CCL16: variants seen among roughly 807,000 people sequenced by gnomAD.
CCL16 encodes C-C motif chemokine 16.
CCL16 carries 6 observed loss-of-function variants against 7.5 expected under a neutral mutation model. The ratio of observed to expected loss-of-function variants is 0.80; its 90% CI spans 0.44 to 1.57. The LOEUF is 1.57. Among genes scored for constraint, CCL16 ranks in the 40% most tolerant of loss-of-function variants. The probability of loss-of-function intolerance (pLI) is 0.01; values close to 1 mark genes in which losing one functional copy is unlikely to be tolerated. For missense variants in CCL16, 134 were observed against 142.9 expected, an observed-to-expected ratio of 0.94 and a Z score of 0.32; for synonymous variants, 60 against 57.7, an observed-to-expected ratio of 1.04 and a Z score of -0.18.
At chr17:35,978,003 G>A in intron 2 of CCL16, 140 bp downstream of exon 2, 1 of 1,222,802 alleles carries the variant, frequency 8.2e-7, no homozygotes, top group Middle Eastern at 2.4e-4. Context: ...ATTAATCCCA[G>A]GCCCCTGAGA....
intron 1 of CCL16, among the ~76,000 whole-genome samples, chr17:35,979,379 G>GT (rs1205538833): frequency 6.6e-6 from 1 of 152,158 alleles, no homozygotes; most frequent in Non-Finnish European, 1.5e-5. Flanking sequence ...AGAGGCGGAG[G>GT]TTAGGGGGAA....
chr17:35,979,210 G>A (rs2089663265), intron 1 of CCL16, among the ~76,000 whole-genome samples: 3 of 152,144 alleles, frequency 2.0e-5, no homozygotes, highest in Admixed American at 1.3e-4. Context: ...GAAGGTAGGG[G>A]AAGCTCAGTG....
chr17:35,978,130 AGGACGT>A lies in CCL16; in HGVS notation c.197+7_197+12del, dbSNP rs770190565. The A allele has an allele frequency of 6.2e-6, 10 of 1,614,162 alleles. No homozygotes were observed. Among genetic ancestry groups the A allele is most frequent in the Non-Finnish European group, 8.5e-6 (10 of 1,180,014 alleles). ...GTCCCTCTCCACAGAAATATCTAAA[AGGACGT>A]GCTTACATGATTGCTGGCAGGTGAC... On this transcript the variant is annotated splice_region_variant and intron_variant, in intron 2 of 2. Coordinates refer to ENST00000611905, the MANE Select transcript of CCL16 (RefSeq NM_004590.4).
chr17:35,981,487 G>T lies in CCL16; in HGVS notation c.-67C>A. The T allele has an allele frequency of 8.7e-7, 1 of 1,154,570 alleles. No individual in the cohort carries two copies. The highest frequency in any genetic ancestry group is 2.0e-5 in the Admixed American group (1 of 50,102). 71.5% of individuals were successfully genotyped at this position (1,154,570 alleles called of 1,614,324 possible). A position where few individuals can be genotyped will look rare whatever the true frequency, so the allele number is the denominator to read the frequency against. On this transcript the variant is annotated 5_prime_UTR_variant, in exon 1 of 3. Coordinates refer to ENST00000611905, the MANE Select transcript of CCL16 (RefSeq NM_004590.4). Reference sequence around the variant, plus strand: ...AGATGTTGTCTGTTGCTGGTGGTCCGCTTGCCAACTACTCAGCTCTCTGGA... The same window carrying T: ...AGATGTTGTCTGTTGCTGGTGGTCCTCTTGCCAACTACTCAGCTCTCTGGA...
chr17:35,980,547 C>A (rs911422187), intron 1 of CCL16: 3 of 182,404 alleles, frequency 1.6e-5, no homozygotes, highest in East Asian at 1.7e-4. Context: ...AAACAAAACA[C>A]AACAAGCAAA....
At chr17:35,978,356 T>A in intron 1 of CCL16, 93 bp from the exon 2 acceptor site, 5 of 1,562,498 alleles carry the variant, frequency 3.2e-6, no homozygotes, top group Non-Finnish European at 4.4e-6. Flanking sequence ...TTCACTCCTC[T>A]GATAGCAAAG....
In CCL16 at chr17:35,977,447, T is replaced by C. The variant is rs906362733; in HGVS notation, c.*119A>G. On this transcript the variant is annotated 3_prime_UTR_variant, in exon 3 of 3. Transcript: ENST00000611905. ...TATTCGAAATACTTCTCCTTTATTTTGATCATTGTTCTGCTTCTCTCAATG... is the reference window on the plus strand; with the variant it reads ...TATTCGAAATACTTCTCCTTTATTTCGATCATTGTTCTGCTTCTCTCAATG... 4 of 843,382 alleles carry C rather than the reference T, an allele frequency of 4.7e-6. No homozygotes were observed. In the Admixed American group the frequency reaches 1.1e-4, roughly 23 times the overall value. 52.2% of individuals were successfully genotyped at this position (843,382 alleles called of 1,614,324 possible).
Position 35,976,535 on chromosome 17 carries a change from G to C in CCL16, c.*1031C>G, listed in dbSNP as rs1184805179. On this transcript the variant is annotated 3_prime_UTR_variant, in exon 3 of 3. Transcript: ENST00000611905. ...GGAGTTTTATTTATTGCATGTTTGG[G>C]TTTTGGACTAAGAGTTTACCCCTAG... 6.6e-6 allele frequency: 1 copy of C among 152,050 alleles called. No individual in the cohort carries two copies. The highest frequency in any genetic ancestry group is 1.5e-5 in the Non-Finnish European group (1 of 68,012). The allele number at this position is 152,050 out of a possible 1,614,324, so 9.4% of individuals were successfully genotyped here.
chr17:35,979,377 A>C (rs2089664341), intron 1 of CCL16, among the ~76,000 whole-genome samples: 1 of 152,018 alleles, frequency 6.6e-6, no homozygotes, highest in Non-Finnish European at 1.5e-5. Flanking sequence ...GGAGAGGCGG[A>C]GGTTAGGGGG....
intron 2 of CCL16, 74 bp downstream of exon 2, chr17:35,978,069 G>C: frequency 6.3e-7 from 1 of 1,594,578 alleles, no homozygotes; most frequent in Non-Finnish European, 8.6e-7. Context: ...GAGACCTCTT[G>C]ATCCCATGTA....
At position 35,976,765 on chromosome 17, in the gene CCL16, C is replaced by G. The variant is rs1361647596; in HGVS notation, c.*801G>C. On this transcript the variant is annotated 3_prime_UTR_variant, in exon 3 of 3. Coordinates refer to ENST00000611905, the MANE Select transcript of CCL16 (RefSeq NM_004590.4). ...GCAAAAATGATTAATGTGAATATTC[C>G]CATCCGGACTTCCTATGAAAAAGTT... The G allele has an allele frequency of 6.6e-6, 1 of 151,782 alleles. No individual in the cohort carries two copies. The highest frequency in any genetic ancestry group is 1.5e-5 in the Non-Finnish European group (1 of 67,972). 9.4% of individuals were successfully genotyped at this position (151,782 alleles called of 1,614,324 possible).
At chr17:35,979,130 G>GAA (rs34982123) in intron 1 of CCL16, among the ~76,000 whole-genome samples, 1 of 132,458 alleles carries the variant, frequency 7.5e-6, no homozygotes, top group Non-Finnish European at 1.7e-5. Flanking sequence ...CATCTCAAAA[G>GAA]AAAAAAAAAA....
At chr17:35,981,301 A>G (rs2089678980) in intron 1 of CCL16, 44 bp downstream of exon 1, 2 of 1,437,824 alleles carry the variant, frequency 1.4e-6, no homozygotes, top group Non-Finnish European at 1.9e-6. Context: ...CAGCTGCTCC[A>G]TCCCCCTTTC....
chr17:35,980,577 G>A lies in CCL16; in HGVS notation c.76+768C>T, dbSNP rs147541235. 4.4e-3 allele frequency: 760 copies of A among 174,604 alleles called. 5 individuals carry two copies. Among genetic ancestry groups the A allele is most frequent in the African/African-American group, 0.016 (670 of 41,912 alleles). 10.8% of individuals were successfully genotyped at this position (174,604 alleles called of 1,614,324 possible). ...AGCAAACAAACAAAAAAACAAAAGC[G>A]AAAAGAATGGCTGGGGCAGCCTAGG... On this transcript the variant is annotated intron_variant, in intron 1 of 2. Coordinates refer to ENST00000611905, the MANE Select transcript of CCL16 (RefSeq NM_004590.4).
rs2089641006 is a variant in CCL16 at position 35,976,878 on chromosome 17, G to T, written c.*688C>A. The T allele has an allele frequency of 6.6e-6, 1 of 152,178 alleles. No homozygotes were observed. Among genetic ancestry groups the T allele is most frequent in the South Asian group, 2.1e-4 (1 of 4,832 alleles). 9.4% of individuals were successfully genotyped at this position (152,178 alleles called of 1,614,324 possible). On this transcript the variant is annotated 3_prime_UTR_variant, in exon 3 of 3. Coordinates refer to ENST00000611905, the MANE Select transcript of CCL16 (RefSeq NM_004590.4). ...CAGGAAAAATCAAGAGTTCTATGGG[G>T]CTCTTAATGGGTCAAGACCCAGAGG... is the stretch of plus-strand genomic sequence containing the variant.
Position 35,977,588 on chromosome 17 carries a change from G to A in CCL16, c.341C>T (p.Pro114Leu). The change falls in exon 3 of 3, where the codon CCC becomes CTC. Residue 114 changes from proline to leucine, a missense_variant. Transcript: ENST00000611905. Reference sequence around the variant, plus strand: ...TCATCACTGGGAGTTGAGGAGCTGGGGTTGACCATTCTTTGCTGTAATAAT... The same window carrying A: ...TCATCACTGGGAGTTGAGGAGCTGGAGTTGACCATTCTTTGCTGTAATAAT... ...VKIITAKNGQ[P>L]QLLNSQ 2 of 1,612,628 alleles carry A rather than the reference G, an allele frequency of 1.2e-6. No individual in the cohort carries two copies. The highest frequency in any genetic ancestry group is 8.5e-7 in the Non-Finnish European group (1 of 1,179,956).
At chr17:35,979,984 A>G (rs1393308948) in intron 1 of CCL16, among the ~76,000 whole-genome samples, 1 of 152,008 alleles carries the variant, frequency 6.6e-6, no homozygotes, top group Non-Finnish European at 1.5e-5. Context: ...TGGGTGGGCC[A>G]TTTTCTCTTT....
At chr17:35,980,474 T>C (rs1378625957) in intron 1 of CCL16, 1 of 163,806 alleles carries the variant, frequency 6.1e-6, no homozygotes, top group South Asian at 1.5e-4. Context: ...TGAGCCGAGA[T>C]CGCGACACTG....
chr17:35,981,164 G>A (rs148636857), intron 1 of CCL16, among the ~76,000 whole-genome samples, 181 bp downstream of exon 1: 49 of 152,154 alleles, frequency 3.2e-4, no homozygotes, highest in Non-Finnish European at 5.0e-4. Context: ...AGAAAGATCC[G>A]GACCAACCCC....
Sources: allele counts gnomAD v4.1 joint callset (sites outside exome capture counted in the v4.1 genomes callset), GRCh38; gene constraint gnomAD v4.1.1; transcripts MANE v1.5; gene names NCBI Gene and HGNC (gene_info 2026-07-23, HGNC 2026-07-21).